ANKS1B: variants seen among roughly 807,000 people sequenced by gnomAD.
ANKS1B encodes the protein ankyrin repeat and sterile alpha motif domain containing 1B.
A neutral mutation model predicts 148.3 loss-of-function variants in ANKS1B; 36 were observed. The ratio of observed to expected loss-of-function variants is 0.24; its 90% CI spans 0.19 to 0.32. The LOEUF (loss-of-function observed/expected upper bound fraction) is 0.32. ANKS1B is among the 10% of genes least tolerant of loss of function. The pLI, the probability that ANKS1B is intolerant of heterozygous loss-of-function variation, is 1.00. For synonymous variants in ANKS1B, 542 were observed against 560.8 expected (o/e 0.97, Z 0.47); for missense variants, 1,157 against 1,542.6 (o/e 0.75, Z 4.19).
chr12:99,201,044 TG>T (rs1220579300), intron 14 of ANKS1B, among the ~76,000 whole-genome samples: 1 of 152,166 alleles, frequency 6.6e-6, no homozygotes, highest in African/African-American at 2.4e-5. Context: ...AGCAGGTTAA[TG>T]GCCCTGGTGT....
At chr12:99,192,819 C>T (rs376538453) in intron 14 of ANKS1B, among the ~76,000 whole-genome samples, 1 of 151,870 alleles carries the variant, frequency 6.6e-6, no homozygotes, top group Middle Eastern at 3.2e-3. Context: ...ATTCTTAAAA[C>T]CATTAAGAAG....
intron 17 of ANKS1B, among the ~76,000 whole-genome samples, chr12:98,941,631 CTG>C (rs1234288306): frequency 6.6e-6 from 1 of 152,192 alleles, no homozygotes; most frequent in African/African-American, 2.4e-5. Context: ...TGAAGATTGA[CTG>C]TATGTCCTTA....
At chr12:99,657,659 A>ATATATATCTATATACT (rs66516058) in intron 8 of ANKS1B, among the ~76,000 whole-genome samples, 1 of 146,800 alleles carries the variant, frequency 6.8e-6, no homozygotes, top group Non-Finnish European at 1.5e-5. Context: ...ATATATATAT[A>ATATATATCTATATACT]TGATAAAGTT....
intron 19 of ANKS1B, among the ~76,000 whole-genome samples, chr12:98,826,813 T>G (rs2099252464): frequency 6.6e-6 from 1 of 152,152 alleles, no homozygotes; most frequent in Non-Finnish European, 1.5e-5. Context: ...GCTGCTTGCT[T>G]GCAAAAATTT....
chr12:99,484,910 A>G (rs1208458981), intron 10 of ANKS1B, among the ~76,000 whole-genome samples: 2 of 151,426 alleles, frequency 1.3e-5, no homozygotes, highest in Non-Finnish European at 3.0e-5. Flanking sequence ...TCCTTCCACA[A>G]GGATTCATAT....
intron 17 of ANKS1B, among the ~76,000 whole-genome samples, chr12:98,933,028 C>T (rs2099815097): frequency 6.6e-6 from 1 of 152,102 alleles, no homozygotes; most frequent in Non-Finnish European, 1.5e-5. Context: ...TTTAAGTGTA[C>T]ATTATTGTTG....
chr12:99,504,065 T>A (rs539923036), intron 10 of ANKS1B, among the ~76,000 whole-genome samples: 2 of 152,254 alleles, frequency 1.3e-5, no homozygotes, highest in South Asian at 2.1e-4. Flanking sequence ...AATCTGATAA[T>A]GCCATAAAAG....
chr12:99,143,309 C>T (rs1425022847), intron 15 of ANKS1B, among the ~76,000 whole-genome samples: 1 of 152,022 alleles, frequency 6.6e-6, no homozygotes. Context: ...TTTTTCTCAC[C>T]TCTGTAATTT....
chr12:99,531,719 C>T (rs867703103), intron 9 of ANKS1B, among the ~76,000 whole-genome samples: 21 of 152,306 alleles, frequency 1.4e-4, no homozygotes, highest in South Asian at 4.1e-4. Flanking sequence ...AGGAAATACC[C>T]AGTAGTTGGA....
At chr12:99,316,862 G>A (rs918434215) in intron 12 of ANKS1B, among the ~76,000 whole-genome samples, 3 of 152,202 alleles carry the variant, frequency 2.0e-5, no homozygotes, top group Non-Finnish European at 4.4e-5. Context: ...TGTAAGGAAG[G>A]AATCCAGTTT....
chr12:99,228,421 CTAT>C (rs1255385335), intron 14 of ANKS1B, among the ~76,000 whole-genome samples: 10 of 151,918 alleles, frequency 6.6e-5, no homozygotes, highest in Non-Finnish European at 1.0e-4. Flanking sequence ...ATCTATCTAT[CTAT>C]CTATATTGAT....
intron 12 of ANKS1B, among the ~76,000 whole-genome samples, chr12:99,311,666 A>G (rs1307250828): frequency 1.3e-5 from 2 of 152,150 alleles, no homozygotes; most frequent in Admixed American, 6.5e-5. Flanking sequence ...CATTTTAAAG[A>G]AGTGCCAGGC....
At chr12:99,022,967 T>C (rs1210745899) in intron 17 of ANKS1B, among the ~76,000 whole-genome samples, 2 of 152,224 alleles carry the variant, frequency 1.3e-5, no homozygotes, top group East Asian at 3.8e-4. Flanking sequence ...CATAGGCTTG[T>C]ATTAACATAG....
intron 14 of ANKS1B, among the ~76,000 whole-genome samples, chr12:99,192,823 T>C (rs61167329): frequency 0.16 from 23,732 of 152,018 alleles, 4,927 homozygotes; most frequent in African/African-American, 0.47. Flanking sequence ...TTAAAACCAT[T>C]AAGAAGATTA....
chr12:99,481,887 T>C (rs569180075), intron 10 of ANKS1B, among the ~76,000 whole-genome samples: 16 of 151,970 alleles, frequency 1.1e-4, no homozygotes, highest in Admixed American at 5.3e-4. Context: ...GGTTTTTTGT[T>C]TTTTGTTTTT....
At position 99,984,315 on chromosome 12, in the gene ANKS1B, C is replaced by T; in HGVS notation, c.-78G>A. 7.8e-7 allele frequency: 1 copy of T among 1,286,026 alleles called. No homozygotes were observed. Among genetic ancestry groups the T allele is most frequent in the Non-Finnish European group, 1.1e-6 (1 of 937,114 alleles). The allele number at this position is 1,286,026 out of a possible 1,614,324, so 79.7% of individuals were successfully genotyped here. ...CCACCCACCCCCACTCCCCAAAATCCAGGGCCCTCTTCGCCCCACCCTAAA... is the reference window on the plus strand; with the variant it reads ...CCACCCACCCCCACTCCCCAAAATCTAGGGCCCTCTTCGCCCCACCCTAAA... On this transcript the variant is annotated 5_prime_UTR_variant, in exon 1 of 27. Coordinates refer to ENST00000683438, the MANE Select transcript of ANKS1B (RefSeq NM_001352186.2).
chr12:99,490,589 A>C (rs1475178417), intron 10 of ANKS1B, among the ~76,000 whole-genome samples: 1 of 152,242 alleles, frequency 6.6e-6, no homozygotes, highest in Non-Finnish European at 1.5e-5. Context: ...TGCCTCTGAA[A>C]GGCCAATTGA....
At chr12:99,168,883 AC>A (rs1367545481) in intron 14 of ANKS1B, among the ~76,000 whole-genome samples, 1 of 152,212 alleles carries the variant, frequency 6.6e-6, no homozygotes, top group African/African-American at 2.4e-5. Context: ...ATTTCAGGAC[AC>A]TGTCTGAAAA....
chr12:98,934,509 C>A (rs2099816650), intron 17 of ANKS1B, among the ~76,000 whole-genome samples: 1 of 151,996 alleles, frequency 6.6e-6, no homozygotes, highest in Admixed American at 6.6e-5. Context: ...AAAAAAATGC[C>A]ATTGGAACTT....
Sources: gnomAD v4.1 joint callset for allele counts (sites outside exome capture counted in the v4.1 genomes callset) on GRCh38, gnomAD v4.1.1 for gene constraint, MANE v1.5 for transcripts, NCBI Gene and HGNC (gene_info 2026-07-23, HGNC 2026-07-21) for gene names.